CTPS2: variants seen among roughly 807,000 people sequenced by gnomAD.
CTPS2 encodes CTP synthase II.
In CTPS2, 19 loss-of-function variants were observed where a neutral mutation model predicts 46.8. The observed-to-expected ratio is 0.41, with a 90% confidence interval of 0.28 to 0.60. The LOEUF is 0.60. Ranked by LOEUF, CTPS2 falls within the 20% of genes least tolerant of loss-of-function variation. CTPS2 has a pLI of 0.35. For synonymous variants in CTPS2, 151 were observed against 165.2 expected (o/e 0.91, Z 0.66); for missense variants, 286 against 447.6 (o/e 0.64, Z 3.26).
chrX:16,614,353 A>T (rs1930418118), intron 16 of CTPS2, among the ~76,000 whole-genome samples: 1 of 112,314 alleles, frequency 8.9e-6, no homozygotes, highest in South Asian at 3.7e-4. Context: ...AGGAGAATGA[A>T]CTAATTGGGA....
chrX:16,638,059 T>C (rs1044519817), intron 14 of CTPS2, among the ~76,000 whole-genome samples: 1 of 110,311 alleles, frequency 9.1e-6, no homozygotes, highest in African/African-American at 3.3e-5. Context: ...ATCAAGACCA[T>C]CCTGGCTAAC....
intron 14 of CTPS2, among the ~76,000 whole-genome samples, chrX:16,634,545 TC>T (rs1424986736): frequency 8.9e-6 from 1 of 112,336 alleles, no homozygotes; most frequent in African/African-American, 3.2e-5. Context: ...TTTGTCCAAA[TC>T]AATTCAAACC....
intron 4 of CTPS2, among the ~76,000 whole-genome samples, chrX:16,695,624 T>C (rs949545997): frequency 9.0e-6 from 1 of 110,914 alleles, no homozygotes; most frequent in African/African-American, 3.3e-5. Context: ...CGATGTCGGC[T>C]CACTGCAAGC....
intron 11 of CTPS2, among the ~76,000 whole-genome samples, chrX:16,670,230 A>G (rs1921630007): frequency 8.9e-6 from 1 of 112,072 alleles, no homozygotes; most frequent in Non-Finnish European, 1.9e-5. Flanking sequence ...AAGTTCTCCT[A>G]GGATGAGAAA....
intron 14 of CTPS2, among the ~76,000 whole-genome samples, chrX:16,625,415 A>T (rs1480902023): frequency 8.9e-6 from 1 of 112,072 alleles, no homozygotes; most frequent in Non-Finnish European, 1.9e-5. Context: ...GTGCACTCAA[A>T]TCCCTTATGG....
intron 9 of CTPS2, among the ~76,000 whole-genome samples, chrX:16,682,192 C>T (rs1922800466): frequency 8.9e-6 from 1 of 112,482 alleles, no homozygotes; most frequent in Non-Finnish European, 1.9e-5. Flanking sequence ...ATGTAGAAAA[C>T]AGCTTACACA....
At chrX:16,668,584 C>T (rs1268949469) in intron 11 of CTPS2, among the ~76,000 whole-genome samples, 4 of 81,277 alleles carry the variant, frequency 4.9e-5, no homozygotes, top group African/African-American at 1.9e-4. Context: ...GACTCTGTCT[C>T]AAAAAAAAAG....
At chrX:16,664,886 A>T (rs1921044606) in intron 13 of CTPS2, among the ~76,000 whole-genome samples, 1 of 112,160 alleles carries the variant, frequency 8.9e-6, no homozygotes, top group Non-Finnish European at 1.9e-5. Flanking sequence ...GATAGCACAG[A>T]TTATATATAA....
intron 1 of CTPS2, 81 bp from the exon 2 acceptor site, chrX:16,703,022 A>AT (rs759725248): frequency 0.073 from 30,972 of 423,682 alleles, 255 homozygotes; most frequent in African/African-American, 0.1. Flanking sequence ...ACCAGAATTA[A>AT]TTTTTTTTTT....
At chrX:16,650,900 A>T in intron 13 of CTPS2, 1 of 690,192 alleles carries the variant, frequency 1.4e-6, no homozygotes, top group Non-Finnish European at 2.2e-6. Flanking sequence ...CATTTATGCC[A>T]AGGAAATGGC....
intron 13 of CTPS2, among the ~76,000 whole-genome samples, chrX:16,656,412 CTTT>C (rs764147514): frequency 1.0e-5 from 1 of 100,419 alleles, no homozygotes. Context: ...TTCCACTTTC[CTTT>C]TTTTTTTTTT....
chrX:16,657,759 T>C (rs1183569985), intron 13 of CTPS2, among the ~76,000 whole-genome samples: 2 of 112,145 alleles, frequency 1.8e-5, no homozygotes, highest in African/African-American at 3.2e-5. Context: ...CACTCTTATT[T>C]GGAATAATCA....
At chrX:16,708,473 G>A (rs774439750) in intron 1 of CTPS2, among the ~76,000 whole-genome samples, 34 of 111,014 alleles carry the variant, frequency 3.1e-4, no homozygotes, top group Non-Finnish European at 6.0e-4. Flanking sequence ...CCAGAGCCAA[G>A]ATCACACCAT....
chrX:16,607,827 A>G (rs1395562676), intron 17 of CTPS2, among the ~76,000 whole-genome samples: 3 of 112,810 alleles, frequency 2.7e-5, no homozygotes, highest in Non-Finnish European at 5.6e-5. Flanking sequence ...GATATTCTGG[A>G]TGGTTGCTTC....
intron 17 of CTPS2, among the ~76,000 whole-genome samples, chrX:16,593,477 C>CTTTTT (rs5901588): frequency 1.2e-5 from 1 of 85,199 alleles, no homozygotes; most frequent in South Asian, 5.6e-4. Flanking sequence ...TGAAATTTTA[C>CTTTTT]TTTTTTTTTT....
intron 16 of CTPS2, 37 bp from the exon 17 acceptor site, chrX:16,609,722 C>T: frequency 1.7e-6 from 2 of 1,162,334 alleles, no homozygotes; most frequent in Non-Finnish European, 2.3e-6. Context: ...TTAAAGCAGA[C>T]AAACAGGAGA....
At chrX:16,608,908 A>C (rs2147184892) in intron 17 of CTPS2, among the ~76,000 whole-genome samples, 1 of 111,803 alleles carries the variant, frequency 8.9e-6, no homozygotes, top group African/African-American at 3.2e-5. Flanking sequence ...TTGAAACCAG[A>C]AAAATGCTAG....
At chrX:16,625,494 A>G (rs1192396356) in intron 14 of CTPS2, among the ~76,000 whole-genome samples, 1 of 111,496 alleles carries the variant, frequency 9.0e-6, no homozygotes, top group African/African-American at 3.3e-5. Context: ...GCCACACAGT[A>G]GTGTCTAGGA....
chrX:16,606,942 G>A (rs1930008263), intron 17 of CTPS2, among the ~76,000 whole-genome samples: 1 of 111,996 alleles, frequency 8.9e-6, no homozygotes, highest in African/African-American at 3.2e-5. Flanking sequence ...AGTAGATACG[G>A]GGTTTCACCA....
Sources: allele counts gnomAD v4.1 joint callset (sites outside exome capture counted in the v4.1 genomes callset), GRCh38; gene constraint gnomAD v4.1.1; transcripts MANE v1.5; gene names NCBI Gene and HGNC (gene_info 2026-07-23, HGNC 2026-07-21).